RS1: variants seen among roughly 807,000 people sequenced by gnomAD.
The protein encoded by RS1 is retinoschisin.
A neutral mutation model predicts 20.8 loss-of-function variants in RS1; 2 were observed. The observed-to-expected ratio is 0.10, with a 90% CI of 0.04 to 0.30. The LOEUF is 0.30. RS1 is among the 10% of genes least tolerant of loss of function. RS1 has a pLI of 1.00. For synonymous variants in RS1, 70 were observed against 75.8 expected (o/e 0.92, Z 0.40); for missense variants, 151 against 189.8 (o/e 0.80, Z 1.20).
chrX:18,647,750 G>T, intron 3 of RS1: 1 of 168,907 alleles, frequency 5.9e-6, no homozygotes, highest in Non-Finnish European at 1.1e-5. Flanking sequence ...GCCTCATGAC[G>T]TCAGGTCTCT....
chrX:18,659,677 A>G (rs1928278565), intron 1 of RS1, among the ~76,000 whole-genome samples: 1 of 111,018 alleles, frequency 9.0e-6, no homozygotes, highest in South Asian at 3.8e-4. Context: ...ACCATCAAAT[A>G]TGGCACCTGG....
chrX:18,644,027 A>G (rs1048872039), intron 5 of RS1, among the ~76,000 whole-genome samples: 6 of 111,032 alleles, frequency 5.4e-5, no homozygotes, highest in African/African-American at 2.0e-4. Context: ...CCCCTCTGTC[A>G]GTCTCAAACA....
intron 1 of RS1, among the ~76,000 whole-genome samples, chrX:18,668,802 G>C (rs1463983733): frequency 8.9e-6 from 1 of 111,852 alleles, no homozygotes; most frequent in Non-Finnish European, 1.9e-5. Flanking sequence ...ACAGAAAGTC[G>C]ATCCGTGGTT....
intron 5 of RS1, 93 bp from the exon 6 acceptor site, chrX:18,642,249 A>T: frequency 1.0e-6 from 1 of 981,498 alleles, no homozygotes; most frequent in Non-Finnish European, 1.5e-6. Flanking sequence ...TTTTAACTAT[A>T]GAAATGATTA....
chrX:18,642,717 T>G (rs1027141006), intron 5 of RS1, among the ~76,000 whole-genome samples: 1 of 112,461 alleles, frequency 8.9e-6, no homozygotes, highest in African/African-American at 3.2e-5. Flanking sequence ...TGAGTACCTT[T>G]CCAACTTGGA....
intron 1 of RS1, among the ~76,000 whole-genome samples, chrX:18,658,676 C>A (rs1290894561): frequency 9.0e-6 from 1 of 110,544 alleles, no homozygotes; most frequent in African/African-American, 3.3e-5. Context: ...AGGCTGGTCT[C>A]GAACTCCTGA....
chrX:18,667,257 T>C (rs1928419635), intron 1 of RS1, among the ~76,000 whole-genome samples: 1 of 111,263 alleles, frequency 9.0e-6, no homozygotes, highest in African/African-American at 3.3e-5. Flanking sequence ...TAGGTCAACA[T>C]CAATTGTGCC....
At position 18,647,335 on chromosome X, in the gene RS1, G is replaced by A. The variant is rs2239810; in HGVS notation, c.185-3C>T. On this transcript the variant is annotated splice_polypyrimidine_tract_variant and splice_region_variant and intron_variant, in intron 3 of 5. Coordinates refer to ENST00000379984, the MANE Select transcript of RS1 (RefSeq NM_000330.4). ...CAGAGGCTTGTGATATGGGCATTCT[G>A]GGAAAGGAAAAAGAATTCACATTCA... is the stretch of plus-strand genomic sequence containing the variant. 4.8e-5 allele frequency: 58 copies of A among 1,207,947 alleles called. No individual in the cohort carries two copies. In the East Asian group the frequency reaches 1.5e-3, roughly 31 times the overall value.
At chrX:18,654,434 C>T (rs1214308989) in intron 3 of RS1, among the ~76,000 whole-genome samples, 1 of 111,764 alleles carries the variant, frequency 8.9e-6, no homozygotes, top group Admixed American at 9.5e-5. Flanking sequence ...TTTTCAATTT[C>T]TTCTTAGACA....
At chrX:18,646,404 C>G (rs901643872) in intron 4 of RS1, among the ~76,000 whole-genome samples, 4 of 112,412 alleles carry the variant, frequency 3.6e-5, no homozygotes, top group Non-Finnish European at 7.5e-5. Context: ...TCTGCCCCCC[C>G]TCGGCCTCCC....
At chrX:18,647,048 C>G in intron 4 of RS1, 143 bp downstream of exon 4, 2 of 639,641 alleles carry the variant, frequency 3.1e-6, no homozygotes, top group Non-Finnish European at 4.9e-6. Flanking sequence ...TCCTGAGTAG[C>G]TGGGATTACA....
intron 2 of RS1, among the ~76,000 whole-genome samples, chrX:18,657,217 C>CTTTTTTTTTTTTTTTTTTT (rs749358875): frequency 1.5e-5 from 1 of 65,138 alleles, no homozygotes; most frequent in Non-Finnish European, 2.7e-5. Flanking sequence ...AAAAAAAATA[C>CTTTTTTTTTTTTTTTTTTT]TTTTTTTTTT....
At chrX:18,649,682 T>C (rs1309685736) in intron 3 of RS1, among the ~76,000 whole-genome samples, 1 of 111,848 alleles carries the variant, frequency 8.9e-6, no homozygotes, top group Admixed American at 9.5e-5. Context: ...CCAGAGCAAT[T>C]GCATTTTTAA....
chrX:18,665,602 G>A (rs1042018236), intron 1 of RS1, among the ~76,000 whole-genome samples: 1 of 111,038 alleles, frequency 9.0e-6, no homozygotes, highest in Non-Finnish European at 1.9e-5. Context: ...GGACGCAGTG[G>A]CTCATGGCTG....
chrX:18,663,181 G>A (rs1395028578), intron 1 of RS1, among the ~76,000 whole-genome samples: 4 of 108,422 alleles, frequency 3.7e-5, no homozygotes, highest in African/African-American at 6.8e-5. Context: ...TGGGATTACC[G>A]GCATGCGCCA....
chrX:18,655,844 G>C (rs1186999805), intron 3 of RS1, among the ~76,000 whole-genome samples: 1 of 110,592 alleles, frequency 9.0e-6, no homozygotes, highest in Non-Finnish European at 1.9e-5. Flanking sequence ...CCATTGGACA[G>C]ACAAGGAAAA....
chrX:18,657,242 A>C (rs1928233527), intron 2 of RS1, among the ~76,000 whole-genome samples: 1 of 17,796 alleles, frequency 5.6e-5, no homozygotes, highest in Non-Finnish European at 1.6e-4. Flanking sequence ...TTTTTTTGAG[A>C]CAGAGTCTCG....
intron 3 of RS1, among the ~76,000 whole-genome samples, chrX:18,651,279 G>C (rs1281961356): frequency 9.2e-6 from 1 of 108,913 alleles, no homozygotes; most frequent in Admixed American, 1.0e-4. Context: ...GAGAGAGAGA[G>C]AGAGAGAGAC....
chrX:18,654,188 G>C (rs916307), intron 3 of RS1, among the ~76,000 whole-genome samples: 1 of 97,595 alleles, frequency 1.0e-5, no homozygotes, highest in African/African-American at 3.8e-5. Context: ...AGGGTCTCTG[G>C]CTGTTGCCCA....
Sources: allele counts gnomAD v4.1 joint callset (sites outside exome capture counted in the v4.1 genomes callset), GRCh38; gene constraint gnomAD v4.1.1; transcripts MANE v1.5; gene names NCBI Gene and HGNC (gene_info 2026-07-23, HGNC 2026-07-21).